EML4: variants seen among roughly 807,000 people sequenced by gnomAD.
The protein encoded by EML4 is echinoderm microtubule-associated protein-like 4.
Under a neutral mutation model 129.0 loss-of-function variants are expected in EML4, and 72 were observed. The observed-to-expected ratio is 0.56, with a 90% CI of 0.46 to 0.68. EML4 has a LOEUF of 0.68. Ranked by LOEUF, EML4 falls within the 30% of genes least tolerant of loss-of-function variation. The pLI is 0.00. For missense variants in EML4, 1,363 were observed against 1,190.6 expected (o/e 1.14, Z -2.13); for synonymous variants, 532 against 405.0 (o/e 1.31, Z -3.77).
At chr2:42,326,975 A>G (rs1669842380) in intron 21 of EML4, among the ~76,000 whole-genome samples, 1 of 152,164 alleles carries the variant, frequency 6.6e-6, no homozygotes, top group Non-Finnish European at 1.5e-5. Flanking sequence ...TACCCCACAA[A>G]GAAACTCTGT....
At chr2:42,247,931 A>G (rs1156794036) in intron 2 of EML4, among the ~76,000 whole-genome samples, 1 of 152,160 alleles carries the variant, frequency 6.6e-6, no homozygotes, top group African/African-American at 2.4e-5. Flanking sequence ...CCTATAATAG[A>G]AAATGATAAC....
intron 1 of EML4, among the ~76,000 whole-genome samples, chr2:42,232,853 T>C (rs914452078): frequency 6.6e-6 from 1 of 151,964 alleles, no homozygotes; most frequent in Non-Finnish European, 1.5e-5. Context: ...GCCTCCCTAG[T>C]AGCTGGGACT....
intron 1 of EML4, among the ~76,000 whole-genome samples, chr2:42,171,683 G>C (rs1383828748): frequency 1.3e-5 from 2 of 152,174 alleles, no homozygotes; most frequent in African/African-American, 4.8e-5. Flanking sequence ...TTAATCAGGA[G>C]CAGAGGAGAT....
At chr2:42,202,278 C>A (rs1314658152) in intron 1 of EML4, among the ~76,000 whole-genome samples, 1 of 152,084 alleles carries the variant, frequency 6.6e-6, no homozygotes, top group Non-Finnish European at 1.5e-5. Context: ...CAGTGGCTCA[C>A]ACCTATAATC....
At chr2:42,212,027 G>A (rs1445704278) in intron 1 of EML4, among the ~76,000 whole-genome samples, 1 of 152,006 alleles carries the variant, frequency 6.6e-6, no homozygotes, top group Non-Finnish European at 1.5e-5. Context: ...TATATTTTTA[G>A]TAGAGATGGG....
At position 42,301,223 on chromosome 2, in the gene EML4, A is replaced by G. The variant is rs1192015377; in HGVS notation, c.1490-18A>G. 6.3e-7 allele frequency: 1 copy of G among 1,597,292 alleles called. No homozygotes were observed. The highest frequency in any genetic ancestry group is 8.5e-7 in the Non-Finnish European group (1 of 1,173,492). On this transcript the variant is annotated intron_variant, in intron 13 of 22. Transcript: ENST00000318522. ...GAAAAGTATTATCACTAGTGTTTTT[A>G]TTTTTCCCTCATATTAGGTGTATAT...
At chr2:42,206,310 C>G (rs1672535175) in intron 1 of EML4, among the ~76,000 whole-genome samples, 1 of 152,270 alleles carries the variant, frequency 6.6e-6, no homozygotes, top group East Asian at 1.9e-4. Flanking sequence ...CATTCCTGGG[C>G]TCAAGTGATC....
chr2:42,245,182 C>T (rs1294210982), intron 1 of EML4, among the ~76,000 whole-genome samples: 2 of 145,426 alleles, frequency 1.4e-5, no homozygotes, highest in African/African-American at 2.6e-5. Context: ...GCACCCTCCA[C>T]CTCCGGGGTT....
chr2:42,174,950 G>T (rs985031329), intron 1 of EML4, among the ~76,000 whole-genome samples: 1 of 150,932 alleles, frequency 6.6e-6, no homozygotes, highest in African/African-American at 2.4e-5. Flanking sequence ...CCTAGTAGCT[G>T]GGATTACAGG....
intron 6 of EML4, among the ~76,000 whole-genome samples, chr2:42,278,445 A>T (rs892921395): frequency 6.6e-6 from 1 of 152,082 alleles, no homozygotes; most frequent in African/African-American, 2.4e-5. Flanking sequence ...GTGATGGTGC[A>T]TGCCTGTAAT....
At chr2:42,296,418 A>G (rs1667956265) in intron 13 of EML4, among the ~76,000 whole-genome samples, 1 of 152,250 alleles carries the variant, frequency 6.6e-6, no homozygotes, top group East Asian at 1.9e-4. Context: ...TGGCAGGGCA[A>G]CATGTCCTTT....
intron 19 of EML4, among the ~76,000 whole-genome samples, chr2:42,321,848 A>G (rs1301314998): frequency 6.6e-6 from 1 of 152,228 alleles, no homozygotes; most frequent in African/African-American, 2.4e-5. Flanking sequence ...CAAAAACTAG[A>G]TGCTTTGAGA....
chr2:42,236,088 T>C (rs965632736), intron 1 of EML4, among the ~76,000 whole-genome samples: 1 of 152,220 alleles, frequency 6.6e-6, no homozygotes, highest in South Asian at 2.1e-4. Flanking sequence ...CCATCAGAAG[T>C]AACTATTGTC....
At chr2:42,298,941 T>G (rs1459783897) in intron 13 of EML4, among the ~76,000 whole-genome samples, 1 of 152,208 alleles carries the variant, frequency 6.6e-6, no homozygotes, top group African/African-American at 2.4e-5. Context: ...TTCTCTATTT[T>G]TATTATCCAA....
chr2:42,237,369 G>GT (rs570514024), intron 1 of EML4, among the ~76,000 whole-genome samples: 62 of 152,142 alleles, frequency 4.1e-4, no homozygotes, highest in Middle Eastern at 6.8e-3. Context: ...GTATTTTATG[G>GT]TTTTTTTGGT....
intron 2 of EML4, among the ~76,000 whole-genome samples, chr2:42,251,102 G>C (rs1675738930): frequency 6.6e-6 from 1 of 152,178 alleles, no homozygotes; most frequent in South Asian, 2.1e-4. Flanking sequence ...TCACTCTCTG[G>C]CTTCTCACCT....
chr2:42,196,572 G>C (rs576989191), intron 1 of EML4, among the ~76,000 whole-genome samples: 1 of 152,274 alleles, frequency 6.6e-6, no homozygotes, highest in East Asian at 1.9e-4. Context: ...TGTCTGCTCT[G>C]ACTACACTTA....
At chr2:42,259,702 ATGAT>A (rs1403103045) in intron 3 of EML4, among the ~76,000 whole-genome samples, 1 of 143,634 alleles carries the variant, frequency 7.0e-6, no homozygotes, top group Admixed American at 6.9e-5. Flanking sequence ...CTCTCTTTCT[ATGAT>A]TTTGTTTCTT....
intron 17 of EML4, among the ~76,000 whole-genome samples, chr2:42,307,189 G>A (rs1203123602): frequency 6.6e-6 from 1 of 152,154 alleles, no homozygotes; most frequent in Non-Finnish European, 1.5e-5. Flanking sequence ...CAATTTGTAG[G>A]GAAAATTGTT....
Sources: allele counts gnomAD v4.1 joint callset (sites outside exome capture counted in the v4.1 genomes callset), GRCh38; gene constraint gnomAD v4.1.1; transcripts MANE v1.5; gene names NCBI Gene and HGNC (gene_info 2026-07-23, HGNC 2026-07-21).